The following OSGIN2 variants were observed in gnomAD, a reference collection of about 807,000 sequenced individuals.
OSGIN2 encodes oxidative stress-induced growth inhibitor 2.
Under a neutral mutation model 53.8 loss-of-function variants are expected in OSGIN2, and 19 were observed. The ratio of observed to expected loss-of-function variants is 0.35; its 90% CI spans 0.25 to 0.52. The LOEUF is 0.52. OSGIN2 is among the 20% of genes least tolerant of loss of function. The pLI, the probability that OSGIN2 is intolerant of heterozygous loss-of-function variation, is 0.95. For missense variants in OSGIN2, 520 were observed against 662.7 expected (o/e 0.78, Z 2.36); for synonymous variants, 236 against 236.0 (o/e 1.00, Z 0.00).
intron 2 of OSGIN2, among the ~76,000 whole-genome samples, chr8:89,911,848 G>C (rs1457517364): frequency 6.6e-6 from 1 of 151,772 alleles, no homozygotes; most frequent in Admixed American, 6.6e-5. Flanking sequence ...TGAGGCAGGA[G>C]AATGGTGTGA....
chr8:89,903,290 T>C (rs1330071622), intron 1 of OSGIN2, among the ~76,000 whole-genome samples: 1 of 152,272 alleles, frequency 6.6e-6, no homozygotes, highest in Non-Finnish European at 1.5e-5. Flanking sequence ...TGTTAAGATG[T>C]TAGCCATGGT....
intron 1 of OSGIN2, among the ~76,000 whole-genome samples, chr8:89,908,028 C>T (rs969670696): frequency 6.6e-6 from 1 of 152,088 alleles, no homozygotes; most frequent in Non-Finnish European, 1.5e-5. Flanking sequence ...GATCAGAAGC[C>T]TCCAAAGGTA....
rs1808751022 is a variant in OSGIN2 at position 89,902,777 on chromosome 8, C to G, written c.-17C>G. On this transcript the variant is annotated 5_prime_UTR_variant, in exon 1 of 6. Transcript: ENST00000451899. The stretch of plus-strand genomic sequence containing the variant: ...GGCCACGGCGGCCGCGCTCGGGCGC[C>G]CCTCGCGCAGCGCTCCATGCCCGTG... The G allele has an allele frequency of 8.0e-7, 1 of 1,244,154 alleles. No homozygotes were observed. Among genetic ancestry groups the G allele is most frequent in the South Asian group, 3.7e-5 (1 of 27,148 alleles). 77.1% of individuals were successfully genotyped at this position (1,244,154 alleles called of 1,614,324 possible).
intron 4 of OSGIN2, among the ~76,000 whole-genome samples, chr8:89,916,628 T>A (rs1809084763): frequency 6.6e-6 from 1 of 152,210 alleles, no homozygotes; most frequent in African/African-American, 2.4e-5. Context: ...TCTCTCCTAC[T>A]TAGCTTCATA....
chr8:89,917,734 A>G (rs1017247827), intron 4 of OSGIN2, among the ~76,000 whole-genome samples: 1 of 152,070 alleles, frequency 6.6e-6, no homozygotes, highest in African/African-American at 2.4e-5. Flanking sequence ...AACTTCCACA[A>G]TTTCACACTC....
chr8:89,921,090 G>T lies in OSGIN2; in HGVS notation c.539G>T (p.Gly180Val), dbSNP rs1809190869. ...PPGGAWHNMEGSMLTISFGSW... is the reference protein window; with the variant it reads ...PPGGAWHNMEVSMLTISFGSW... The stretch of plus-strand genomic sequence containing the variant: ...TTTAAACTCTAATAGAATATGGAAG[G>T]CTCCATGTTGACAATCAGCTTTGGA... The change falls in exon 5 of 6, where the codon GGC (glycine) becomes GTC (valine). Residue 180 changes from glycine (G) to valine (V), a missense_variant. Gly to Val is a moderately radical substitution (Grantham distance 109). Coordinates refer to ENST00000451899, the MANE Select transcript of OSGIN2 (RefSeq NM_001126111.3). 1 of 1,582,530 alleles carries T rather than the reference G, an allele frequency of 6.3e-7. No homozygotes were observed. Among genetic ancestry groups the T allele is most frequent in the Non-Finnish European group, 8.6e-7 (1 of 1,157,532 alleles).
intron 4 of OSGIN2, among the ~76,000 whole-genome samples, chr8:89,917,586 G>T (rs1453465977): frequency 6.6e-6 from 1 of 152,124 alleles, no homozygotes; most frequent in Admixed American, 6.6e-5. Context: ...TCCACTCTCA[G>T]TTGGGGCCAA....
intron 4 of OSGIN2, among the ~76,000 whole-genome samples, chr8:89,918,977 T>C (rs1454804704): frequency 6.6e-6 from 1 of 152,212 alleles, no homozygotes; most frequent in African/African-American, 2.4e-5. Flanking sequence ...CAATCCATTA[T>C]CCATACCAAA....
At chr8:89,904,512 C>A (rs1333402441) in intron 1 of OSGIN2, among the ~76,000 whole-genome samples, 1 of 151,836 alleles carries the variant, frequency 6.6e-6, no homozygotes, top group African/African-American at 2.4e-5. Flanking sequence ...AAAAACAGTT[C>A]TGTTGTGTCT....
intron 1 of OSGIN2, among the ~76,000 whole-genome samples, chr8:89,909,011 CAAAAAAAAAAAAAA>C (rs35635974): frequency 2.1e-4 from 8 of 38,402 alleles, no homozygotes; most frequent in Non-Finnish European, 3.3e-4. Flanking sequence ...ACCTTGTTTC[CAAAAAAAAAAAAAA>C]AAAAAAAAAA....
Position 89,926,736 on chromosome 8 carries a change from A to G in OSGIN2, c.*1204A>G, listed in dbSNP as rs2130721782. ...TCTGAAGTTCTCCATGGCAAATTGA[A>G]TTTTTCAGTCATTTTCTTTTCTTTT... On this transcript the variant is annotated 3_prime_UTR_variant, in exon 6 of 6. Coordinates refer to ENST00000451899, the MANE Select transcript of OSGIN2 (RefSeq NM_001126111.3). The G allele has an allele frequency of 1.3e-5, 2 of 151,698 alleles. 1 individual carries two copies. The highest frequency in any genetic ancestry group is 4.2e-4 in the South Asian group (2 of 4,796). The allele number at this position is 151,698 out of a possible 1,614,324, so 9.4% of individuals were successfully genotyped here.
intron 2 of OSGIN2, among the ~76,000 whole-genome samples, chr8:89,913,394 C>T (rs1057046845): frequency 2.0e-5 from 3 of 152,156 alleles, no homozygotes; most frequent in Admixed American, 1.3e-4. Context: ...ATAATCTTTG[C>T]AAAAGTTGTT....
At chr8:89,904,278 A>G (rs1808790789) in intron 1 of OSGIN2, among the ~76,000 whole-genome samples, 1 of 152,214 alleles carries the variant, frequency 6.6e-6, no homozygotes, top group South Asian at 2.1e-4. Flanking sequence ...TTCAGAAAAT[A>G]TTGTGTGAAA....
Position 89,924,908 on chromosome 8 carries a change from T to G in OSGIN2, c.1026T>G (p.Arg342=). 1.9e-6 allele frequency: 3 copies of G among 1,614,190 alleles called. No individual in the cohort carries two copies. Among genetic ancestry groups the G allele is most frequent in the Non-Finnish European group, 2.5e-6 (3 of 1,180,018 alleles). The change falls in exon 6 of 6, where the codon CGT becomes CGG. Residue 342 remains arginine (R), a synonymous_variant. Coordinates refer to ENST00000451899, the MANE Select transcript of OSGIN2 (RefSeq NM_001126111.3). ...CTGCTATAAACAAAGGAAAGTTGCG[T>G]GGCAAAGTGGATCCAGTGTTAATTG... The part of the protein sequence containing the change: ...FGAAINKGKL[R]GKVDPVLIVG...
chr8:89,914,142 G>T lies in OSGIN2; in HGVS notation c.265G>T (p.Glu89Ter). Residue 89 changes from glutamate to a stop codon, truncating the protein, a stop_gained, in exon 3 of 6, where the codon GAA (glutamate) becomes TAA (stop). Transcript: ENST00000451899. LOFTEE classifies it high-confidence loss of function. ...LSGYRPYLSS[E>*]AIHPNTILNS... ...AGGCTACAGACCGTATTTATCATCAGAAGCAATACACCCAAATACAATCTT... is the reference window on the plus strand; with the variant it reads ...AGGCTACAGACCGTATTTATCATCATAAGCAATACACCCAAATACAATCTT... 1.2e-6 allele frequency: 2 copies of T among 1,600,618 alleles called. No homozygotes were observed. The highest frequency in any genetic ancestry group is 1.7e-6 in the Non-Finnish European group (2 of 1,168,170).
chr8:89,913,794 A>G (rs931080262), intron 2 of OSGIN2, among the ~76,000 whole-genome samples: 1 of 152,228 alleles, frequency 6.6e-6, no homozygotes, highest in Admixed American at 6.5e-5. Context: ...AGAATCAAGA[A>G]GTGGAATGGA....
chr8:89,912,884 G>A (rs1293673192), intron 2 of OSGIN2, among the ~76,000 whole-genome samples: 1 of 152,096 alleles, frequency 6.6e-6, no homozygotes. Flanking sequence ...CATGCTGGGG[G>A]TATCAAAAAT....
At chr8:89,913,224 G>C (rs192233430) in intron 2 of OSGIN2, among the ~76,000 whole-genome samples, 142 of 152,070 alleles carry the variant, frequency 9.3e-4, no homozygotes, top group Non-Finnish European at 1.6e-3. Flanking sequence ...TTAGAAAGGC[G>C]GTTTAATTTT....
chr8:89,924,399 C>A, intron 5 of OSGIN2, 104 bp from the exon 6 acceptor site: 1 of 802,798 alleles, frequency 1.2e-6, no homozygotes, highest in South Asian at 1.8e-5. Context: ...CTAAGACAGT[C>A]CAGCAGAATT....
Sources: gnomAD v4.1 joint callset for allele counts (sites outside exome capture counted in the v4.1 genomes callset) on GRCh38, gnomAD v4.1.1 for gene constraint, MANE v1.5 for transcripts, NCBI Gene and HGNC (gene_info 2026-07-23, HGNC 2026-07-21) for gene names.